The following GALNT17 variants were observed in gnomAD, a reference collection of about 807,000 sequenced individuals.
The protein encoded by GALNT17 is polypeptide N-acetylgalactosaminyltransferase 17, also known as UDP-GalNAc:polypeptide N-acetylgalactosaminyltransferase-like 3.
GALNT17 carries 29 observed loss-of-function variants against 63.7 expected under a neutral mutation model. The observed-to-expected ratio is 0.46, with a 90% CI of 0.34 to 0.62. The LOEUF is 0.62. Ranked by LOEUF, GALNT17 falls within the 20% of genes least tolerant of loss-of-function variation. The probability of loss-of-function intolerance (pLI) is 0.01; values close to 1 mark genes in which losing one functional copy is unlikely to be tolerated. For synonymous variants in GALNT17, 305 were observed against 318.3 expected, an observed-to-expected ratio of 0.96 and a Z score of 0.45; for missense variants, 603 against 799.6, an observed-to-expected ratio of 0.75 and a Z score of 2.97.
chr7:71,705,173 G>T (rs561362117), intron 9 of GALNT17, among the ~76,000 whole-genome samples: 1 of 152,156 alleles, frequency 6.6e-6, no homozygotes, highest in East Asian at 1.9e-4. Context: ...AAAATAAGAA[G>T]ACAAATAACC....
chr7:71,560,013 G>A (rs1789228124), intron 5 of GALNT17, among the ~76,000 whole-genome samples: 2 of 151,738 alleles, frequency 1.3e-5, no homozygotes, highest in Non-Finnish European at 2.9e-5. Flanking sequence ...AGCCAAGATG[G>A]TGAAACCTCA....
chr7:71,346,165 T>G (rs73358172), intron 2 of GALNT17, among the ~76,000 whole-genome samples: 13,539 of 152,000 alleles, frequency 0.089, 1,793 homozygotes, highest in African/African-American at 0.29. Flanking sequence ...GCACCCCATC[T>G]TGGATAACAG....
chr7:71,538,676 T>G (rs1374430799), intron 5 of GALNT17, among the ~76,000 whole-genome samples: 2 of 152,152 alleles, frequency 1.3e-5, no homozygotes, highest in Admixed American at 1.3e-4. Context: ...CACTGTCAAA[T>G]TAACCCTCTT....
Position 71,436,318 on chromosome 7 carries a change from G to A in GALNT17, c.962+15213G>A, listed in dbSNP as rs1786962739. Among the ~76,000 whole-genome samples the A allele has an allele frequency of 2.0e-5, 3 of 152,086 alleles. No individual in the cohort carries two copies. In the South Asian group the frequency reaches 6.2e-4, roughly 32 times the overall value. On this transcript the variant is annotated intron_variant, in intron 5 of 10. Transcript: ENST00000333538. The stretch of plus-strand genomic sequence containing the variant: ...ATCATTCCACTGCACACCAGCCTTG[G>A]CAACTGAGTGAAACCCTGTCTCTAA...
At chr7:71,440,021 T>C (rs535129110) in intron 5 of GALNT17, among the ~76,000 whole-genome samples, 4 of 150,318 alleles carry the variant, frequency 2.7e-5, no homozygotes, top group African/African-American at 9.8e-5. Context: ...TCTTGGCTCA[T>C]TGCAGCCTCG....
chr7:71,206,082 A>G (rs979740268), intron 1 of GALNT17, among the ~76,000 whole-genome samples: 1 of 149,260 alleles, frequency 6.7e-6, no homozygotes, highest in Non-Finnish European at 1.5e-5. Context: ...TGTCAAATAT[A>G]TGAGGTGTGT....
intron 9 of GALNT17, among the ~76,000 whole-genome samples, chr7:71,694,722 A>C (rs2117101709): frequency 6.6e-6 from 1 of 152,318 alleles, no homozygotes; most frequent in Non-Finnish European, 1.5e-5. Context: ...AAAATAAGGA[A>C]GCAGAGTCCC....
chr7:71,284,935 C>A (rs930021372), intron 1 of GALNT17, among the ~76,000 whole-genome samples: 7 of 151,416 alleles, frequency 4.6e-5, no homozygotes, highest in Non-Finnish European at 7.4e-5. Context: ...AAAAAACTTA[C>A]AGGACTCAAC....
intron 5 of GALNT17, among the ~76,000 whole-genome samples, chr7:71,549,647 A>G (rs1438876585): frequency 6.6e-6 from 1 of 152,186 alleles, no homozygotes; most frequent in African/African-American, 2.4e-5. Context: ...GTTTCATTAT[A>G]CCGAAAGAGT....
At chr7:71,638,194 C>T (rs1205806929) in intron 6 of GALNT17, among the ~76,000 whole-genome samples, 2 of 152,164 alleles carry the variant, frequency 1.3e-5, no homozygotes, top group Admixed American at 6.5e-5. Flanking sequence ...ATATAGTGAG[C>T]CTTGAGGAAG....
intron 3 of GALNT17, 95 bp downstream of exon 3, chr7:71,388,496 G>T (rs1050263762): frequency 1.5e-4 from 212 of 1,440,422 alleles, no homozygotes; most frequent in Non-Finnish European, 1.9e-4. Flanking sequence ...GTGTCTCCTG[G>T]TCCCTGGAGC....
intron 1 of GALNT17, among the ~76,000 whole-genome samples, chr7:71,197,366 ATT>A (rs34168187): frequency 7.1e-4 from 99 of 138,864 alleles, no homozygotes; most frequent in Admixed American, 1.5e-3. Context: ...CGGCCGGCTA[ATT>A]TTTTTTTTTT....
intron 1 of GALNT17, among the ~76,000 whole-genome samples, chr7:71,156,786 C>A (rs988577837): frequency 4.0e-5 from 6 of 150,662 alleles, no homozygotes; most frequent in Non-Finnish European, 8.8e-5. Context: ...GTGGTGCAAT[C>A]ATAGCTCACT....
At chr7:71,295,734 A>T (rs993924566) in intron 1 of GALNT17, among the ~76,000 whole-genome samples, 3 of 151,870 alleles carry the variant, frequency 2.0e-5, no homozygotes, top group Non-Finnish European at 4.4e-5. Context: ...GAGTAGCTGG[A>T]ACTACAGGTG....
chr7:71,436,529 C>T (rs1211615962), intron 5 of GALNT17, among the ~76,000 whole-genome samples: 3 of 151,888 alleles, frequency 2.0e-5, no homozygotes, highest in African/African-American at 7.3e-5. Flanking sequence ...ACCATCCTGG[C>T]TAACATGGTG....
chr7:71,197,848 G>A (rs1425436912), intron 1 of GALNT17, among the ~76,000 whole-genome samples: 1 of 151,372 alleles, frequency 6.6e-6, no homozygotes, highest in Non-Finnish European at 1.5e-5. Context: ...TCATTCATCT[G>A]TTGATGGATG....
intron 1 of GALNT17, among the ~76,000 whole-genome samples, chr7:71,134,686 G>A (rs1454451572): frequency 6.6e-6 from 1 of 152,040 alleles, no homozygotes. Flanking sequence ...ATTTCTGGAG[G>A]AATCAGAAAC....
intron 6 of GALNT17, 138 bp downstream of exon 6, chr7:71,571,540 T>G (rs1009696484): frequency 4.2e-6 from 3 of 710,762 alleles, no homozygotes; most frequent in Non-Finnish European, 7.4e-6. Flanking sequence ...TCCTGGGGGA[T>G]GCATGAGCTG....
chr7:71,491,023 C>T (rs112480638), intron 5 of GALNT17, among the ~76,000 whole-genome samples: 7,264 of 151,950 alleles, frequency 0.048, 585 homozygotes, highest in African/African-American at 0.16. Context: ...GAGAAACCCC[C>T]GTCTCTACTA....
Sources: gnomAD v4.1 joint callset for allele counts (sites outside exome capture counted in the v4.1 genomes callset) on GRCh38, gnomAD v4.1.1 for gene constraint, MANE v1.5 for transcripts, NCBI Gene and HGNC (gene_info 2026-07-23, HGNC 2026-07-21) for gene names.